SEMA4C: variants seen among roughly 807,000 people sequenced by gnomAD.
SEMA4C encodes semaphorin 4C.
SEMA4C carries 19 observed loss-of-function variants against 89.0 expected under a neutral mutation model. That is an observed-to-expected ratio of 0.21 (90% CI 0.15 to 0.31). SEMA4C has a LOEUF of 0.31. SEMA4C is among the 10% of genes least tolerant of loss of function. SEMA4C has a pLI of 1.00. For synonymous variants in SEMA4C, 428 were observed against 472.7 expected (o/e 0.91, Z 1.23); for missense variants, 811 against 1,107.0 (o/e 0.73, Z 3.79).
Position 96,860,727 on chromosome 2 carries a change from C to A in SEMA4C, c.2401G>T (p.Gly801Trp). The stretch of plus-strand genomic sequence containing the variant: ...AGCTCAGGCAGGGGGTGCCCGAGCC[C>A]TCCCCGGTCCTCCCCTCCTAGTTGT... ...RLQLGGEDRG[G>W]LGHPLPELAD... Residue 801 changes from glycine to tryptophan, a missense_variant, in exon 15 of 15, where the codon GGG (glycine) becomes TGG (tryptophan). Transcript: ENST00000305476. 5 of 1,613,804 alleles carry A rather than the reference C, an allele frequency of 3.1e-6. No individual in the cohort carries two copies. Among genetic ancestry groups the A allele is most frequent in the Non-Finnish European group, 4.2e-6 (5 of 1,179,984 alleles).
Position 96,864,601 on chromosome 2 carries a change from C to T in SEMA4C, c.962+104G>A, listed in dbSNP as rs943491588. The T allele has an allele frequency of 1.6e-5, 23 of 1,439,368 alleles. No homozygotes were observed. Among genetic ancestry groups the T allele is most frequent in the Admixed American group, 2.1e-5 (1 of 47,590 alleles). The allele number at this position is 1,439,368 out of a possible 1,614,324, so 89.2% of individuals were successfully genotyped here. On this transcript the variant is annotated intron_variant, in intron 9 of 14. Coordinates refer to ENST00000305476, the MANE Select transcript of SEMA4C (RefSeq NM_017789.5). The surrounding 1 kb of genome is among the most constrained non-coding windows in gnomAD (Gnocchi z 6.3). ...TTCTCCTTGGCTTCTGGACACCTGGCTTCCGGGACTGCCTCTGAGGCCTGG... is the reference window on the plus strand; with the variant it reads ...TTCTCCTTGGCTTCTGGACACCTGGTTTCCGGGACTGCCTCTGAGGCCTGG...
rs1467564928 is a variant in SEMA4C, at chr2:96,864,158, G to C, written c.1108-10C>G. The C allele has an allele frequency of 6.2e-7, 1 of 1,612,898 alleles. No homozygotes were observed. Among genetic ancestry groups the C allele is most frequent in the East Asian group, 2.2e-5 (1 of 44,870 alleles). ...GCCAGTTGTTAATGCACTGGGGGCA[G>C]GGTGTGGGGGGCAGGCCATCAGCAG... On this transcript the variant is annotated splice_polypyrimidine_tract_variant and intron_variant, in intron 10 of 14. Coordinates refer to ENST00000305476, the MANE Select transcript of SEMA4C (RefSeq NM_017789.5). This position sits in a 1 kb window ranked among gnomAD's most constrained non-coding sequence, Gnocchi z 6.3.
chr2:96,865,081 C>G lies in SEMA4C; in HGVS notation c.669G>C (p.Glu223Asp). 1 of 1,563,198 alleles carries G rather than the reference C, an allele frequency of 6.4e-7. No homozygotes were observed. ...CGTCCCCCGTGAAGCTGCCCACACT[C>G]TCAGGTACATAGGCAGAGCCTACAA... ...PHFVGSAYVP[E>D]SVGSFTGDDD... Residue 223 changes from glutamate to aspartate, a missense_variant, in exon 8 of 15, where the codon GAG becomes GAC. Glu to Asp is a conservative substitution (Grantham distance 45). Transcript: ENST00000305476.
chr2:96,860,407 AG>A lies in SEMA4C; in HGVS notation c.*218del, dbSNP rs1457742381. 12 of 528,358 alleles carry A rather than the reference AG, an allele frequency of 2.3e-5. No individual in the cohort carries two copies. The African/African-American group carries it at 2.3e-4, about 10-fold the overall frequency. The allele number at this position is 528,358 out of a possible 1,614,324, so 32.7% of individuals were successfully genotyped here. ...TCCCGCGTGTCTGTGATTCACAGAG[AG>A]GAGGAAGATGCCTTCTGCGAGGCTG... On this transcript the variant is annotated 3_prime_UTR_variant, in exon 15 of 15. Coordinates refer to ENST00000305476, the MANE Select transcript of SEMA4C (RefSeq NM_017789.5).
intron 1 of SEMA4C, chr2:96,868,659 G>A (rs1389848250): frequency 4.1e-6 from 4 of 985,172 alleles, no homozygotes; most frequent in Non-Finnish European, 4.8e-6. Context: ...TGCCTCCTCC[G>A]AAACACCAGC....
upstream of SEMA4C, chr2:96,870,367 A>G (rs1425113017): frequency 1.0e-6 from 1 of 955,636 alleles, no homozygotes; most frequent in African/African-American, 1.8e-5. Context: ...CCACGGGGGA[A>G]TCACACTCAC....
intron 3 of SEMA4C, 69 bp from the exon 4 acceptor site, chr2:96,865,998 TGCA>T: frequency 6.6e-7 from 1 of 1,506,598 alleles, no homozygotes; most frequent in Non-Finnish European, 9.2e-7. Flanking sequence ...AAGCACAGCC[TGCA>T]GCAGCAACAC....
intron 1 of SEMA4C, chr2:96,868,692 G>A: frequency 1.0e-6 from 1 of 985,482 alleles, no homozygotes; most frequent in Non-Finnish European, 1.2e-6. Flanking sequence ...GGGCGGTGGG[G>A]GGACCGAGCT....
chr2:96,869,177 G>T, intron 1 of SEMA4C: 1 of 985,388 alleles, frequency 1.0e-6, no homozygotes. Flanking sequence ...GCCTCATCTC[G>T]GCTCCTTACC....
intron 12 of SEMA4C, chr2:96,862,482 G>A (rs997236162): frequency 2.0e-5 from 3 of 152,884 alleles, no homozygotes; most frequent in African/African-American, 7.2e-5. Context: ...CACTTTGGGA[G>A]GCTGAGGTGG....
At position 96,861,436 on chromosome 2, in the gene SEMA4C, G is replaced by A. The variant is rs779617248; in HGVS notation, c.1692C>T (p.Asn564=). ...GSKKVRPTPK[N]ITVVAGTDLV... ...GGTCTGTGCCCGCCACCACCGTGAT[G>A]TTTTTGGGAGTGGGCCTGACTGTAG... The change falls in exon 15 of 15, where the codon AAC becomes AAT. Residue 564 remains asparagine, a synonymous_variant. Transcript: ENST00000305476. This position sits in a 1 kb window ranked among gnomAD's most constrained non-coding sequence, Gnocchi z 7.8. 3 of 1,612,728 alleles carry A rather than the reference G, an allele frequency of 1.9e-6. No individual in the cohort carries two copies. The South Asian group carries it at 3.3e-5, about 18-fold the overall frequency.
In SEMA4C at chr2:96,861,151, CA is replaced by C; in HGVS notation, c.1976del (p.Leu659ArgfsTer87). 6.2e-7 allele frequency: 1 copy of C among 1,611,132 alleles called. No individual in the cohort carries two copies. Among genetic ancestry groups the C allele is most frequent in the Non-Finnish European group, 8.5e-7 (1 of 1,179,668 alleles). On this transcript the variant is annotated frameshift_variant, in exon 15 of 15. Transcript: ENST00000305476. LOFTEE classifies it high-confidence loss of function. This position sits in a 1 kb window ranked among gnomAD's most constrained non-coding sequence, Gnocchi z 7.8. ...CCAGCCACACCAGCCCCAGGTTTTC[CA>C]GGGGGGCCCGGGCCTCCAAGGTCAC... Reference protein sequence around the residue: ...PSVTLEARAPLENLGLVWLAV... With the variant: ...PSVTLEARAPXENLGLVWLAV...
Position 96,861,162 on chromosome 2 carries a change from G to A in SEMA4C, c.1966C>T (p.Arg656Trp), listed in dbSNP as rs899503061. Residue 656 changes from arginine (R) to tryptophan (W), a missense_variant, in exon 15 of 15, where the codon CGG becomes TGG. Coordinates refer to ENST00000305476, the MANE Select transcript of SEMA4C (RefSeq NM_017789.5). This position sits in a 1 kb window ranked among gnomAD's most constrained non-coding sequence, Gnocchi z 7.8. ...VAGPSVTLEA[R>W]APLENLGLVW... is the part of the protein sequence containing the mutation. ...AGCCCCAGGTTTTCCAGGGGGGCCC[G>A]GGCCTCCAAGGTCACCGACGGGCCT... The A allele has an allele frequency of 9.9e-6, 16 of 1,610,312 alleles. No homozygotes were observed. Among genetic ancestry groups the A allele is most frequent in the African/African-American group, 4.0e-5 (3 of 74,906 alleles).
At chr2:96,862,344 AG>A (rs1401734844) in intron 12 of SEMA4C, 1 of 163,702 alleles carries the variant, frequency 6.1e-6, no homozygotes, top group African/African-American at 2.4e-5. Context: ...TCCATGTTCT[AG>A]GGGACAATTT....
rs1559036143 is a variant in SEMA4C at position 96,866,343 on chromosome 2, G to GTACA, written c.194_197dup (p.Gly68ArgfsTer32). 1 of 1,613,864 alleles carries GTACA rather than the reference G, an allele frequency of 6.2e-7. No homozygotes were observed. On this transcript the variant is annotated frameshift_variant, in exon 3 of 15. Transcript: ENST00000305476. LOFTEE classifies it high-confidence loss of function. Reference sequence around the variant, plus strand: ...CAAACAGGGCCTCTCGGGCGCCCACGTACAGAAGCCCAGTGGGCTCCGTCA... The same window carrying GTACA: ...CAAACAGGGCCTCTCGGGCGCCCACGTACATACAGAAGCCCAGTGGGCTCCGTCA...
At position 96,864,425 on chromosome 2, in the gene SEMA4C, T is replaced by C. The variant is rs2080022829; in HGVS notation, c.963-43A>G. 6.2e-7 allele frequency: 1 copy of C among 1,608,034 alleles called. No homozygotes were observed. Among genetic ancestry groups the C allele is most frequent in the Non-Finnish European group, 8.5e-7 (1 of 1,179,258 alleles). On this transcript the variant is annotated intron_variant, in intron 9 of 14. Coordinates refer to ENST00000305476, the MANE Select transcript of SEMA4C (RefSeq NM_017789.5). The surrounding 1 kb of genome is among the most constrained non-coding windows in gnomAD (Gnocchi z 6.3). ...AGCCCAGGGTCAGGTACCCACCTTATCTCTTCCCACCCCAGCTAAGGGCAA... is the reference window on the plus strand; with the variant it reads ...AGCCCAGGGTCAGGTACCCACCTTACCTCTTCCCACCCCAGCTAAGGGCAA...
intron 12 of SEMA4C, chr2:96,862,460 C>T (rs1462618526): frequency 6.5e-6 from 1 of 153,034 alleles, no homozygotes. Flanking sequence ...CAGGTCATGC[C>T]TGGAATCCCA....
At position 96,864,773 on chromosome 2, in the gene SEMA4C, C is replaced by A. The variant is rs550741731; in HGVS notation, c.894G>T (p.Gln298His). The part of the protein sequence containing the change: ...PNWQLYFNQL[Q>H]AMHTLQDTSW... ...AGGTGTCCTGCAGGGTGTGCATCGCCTGCAGCTGGTTGAAGTAGAGCTGCC... is the reference window on the plus strand; with the variant it reads ...AGGTGTCCTGCAGGGTGTGCATCGCATGCAGCTGGTTGAAGTAGAGCTGCC... The change falls in exon 9 of 15, where the codon CAG becomes CAT. Residue 298 changes from glutamine to histidine, a missense_variant. Around this residue, in one of 4 missense-constraint regions of SEMA4C, gnomAD observed 441 missense variants for 664.9 expected, o/e 0.66. Transcript: ENST00000305476. The surrounding 1 kb of genome is among the most constrained non-coding windows in gnomAD (Gnocchi z 6.3). 1 of 1,613,980 alleles carries A rather than the reference C, an allele frequency of 6.2e-7. No homozygotes were observed. The highest frequency in any genetic ancestry group is 1.1e-5 in the South Asian group (1 of 91,090).
chr2:96,869,589 A>G (rs2080162377), intron 1 of SEMA4C: 2 of 985,224 alleles, frequency 2.0e-6, no homozygotes, highest in African/African-American at 1.7e-5. Flanking sequence ...GAGCCTGGCG[A>G]GGATCCCGGC....
Sources: allele counts gnomAD v4.1 joint callset, GRCh38; gene constraint gnomAD v4.1.1; regional missense constraint gnomAD v4.1.1; non-coding constraint Gnocchi (gnomAD v3.1); transcripts MANE v1.5; gene names NCBI Gene and HGNC (gene_info 2026-07-23, HGNC 2026-07-21).